Variants in TMEFF1 observed in about 807,000 individuals in gnomAD.
TMEFF1 encodes the protein transmembrane protein with EGF like and two follistatin like domains 1, also known as tomoregulin-1.
A neutral mutation model predicts 47.5 loss-of-function variants in TMEFF1; 20 were observed. The observed-to-expected ratio is 0.42, with a 90% CI of 0.30 to 0.61. The LOEUF (loss-of-function observed/expected upper bound fraction) is 0.61. TMEFF1 is among the 20% of genes least tolerant of loss of function. TMEFF1 has a pLI of 0.19. For synonymous variants in TMEFF1, 162 were observed against 166.3 expected (o/e 0.97, Z 0.20); for missense variants, 411 against 471.1 (o/e 0.87, Z 1.18).
At chr9:100,537,107 A>G (rs1838528167) in intron 5 of TMEFF1, among the ~76,000 whole-genome samples, 1 of 152,218 alleles carries the variant, frequency 6.6e-6, no homozygotes, top group Admixed American at 6.5e-5. Flanking sequence ...TAGTGGTGAC[A>G]TGTTTTGCAG....
At chr9:100,547,110 G>C (rs567529734) in intron 5 of TMEFF1, among the ~76,000 whole-genome samples, 1 of 152,190 alleles carries the variant, frequency 6.6e-6, no homozygotes, top group African/African-American at 2.4e-5. Context: ...CAACCTCCTG[G>C]GCTTAAGTGA....
At chr9:100,517,320 T>G (rs1838092971) in intron 5 of TMEFF1, among the ~76,000 whole-genome samples, 2 of 152,250 alleles carry the variant, frequency 1.3e-5, no homozygotes, top group South Asian at 2.1e-4. Flanking sequence ...CTTTAGGACC[T>G]GGGAGCATAA....
intron 5 of TMEFF1, among the ~76,000 whole-genome samples, chr9:100,545,701 G>A (rs946610188): frequency 1.1e-4 from 17 of 152,098 alleles, no homozygotes; most frequent in Admixed American, 2.6e-4. Flanking sequence ...CAAATTTTCC[G>A]AACTTTTGTG....
intron 1 of TMEFF1, among the ~76,000 whole-genome samples, chr9:100,496,560 C>T (rs947148609): frequency 6.6e-6 from 1 of 152,182 alleles, no homozygotes; most frequent in Non-Finnish European, 1.5e-5. Flanking sequence ...AGCTTTTCTG[C>T]CTCACATTAG....
chr9:100,560,249 C>T (rs975517061), intron 7 of TMEFF1, among the ~76,000 whole-genome samples: 21 of 152,066 alleles, frequency 1.4e-4, no homozygotes, highest in African/African-American at 4.6e-4. Context: ...TTGTTATCTC[C>T]TTTAGTCCTC....
intron 5 of TMEFF1, among the ~76,000 whole-genome samples, chr9:100,528,002 G>C (rs887936565): frequency 6.6e-6 from 1 of 152,010 alleles, no homozygotes; most frequent in African/African-American, 2.4e-5. Context: ...ACACGGCAGG[G>C]TATTCCAACA....
At chr9:100,500,390 T>C (rs1162966655) in intron 2 of TMEFF1, among the ~76,000 whole-genome samples, 1 of 152,190 alleles carries the variant, frequency 6.6e-6, no homozygotes, top group Admixed American at 6.5e-5. Flanking sequence ...CATGATGTGT[T>C]AGACCTTTTG....
At chr9:100,489,572 A>C (rs1256105202) in intron 1 of TMEFF1, among the ~76,000 whole-genome samples, 1 of 152,102 alleles carries the variant, frequency 6.6e-6, no homozygotes, top group Non-Finnish European at 1.5e-5. Flanking sequence ...TTGTTGTAAA[A>C]CTCAATTCAG....
chr9:100,568,422 A>G (rs1359322858), intron 8 of TMEFF1, among the ~76,000 whole-genome samples: 1 of 152,200 alleles, frequency 6.6e-6, no homozygotes, highest in East Asian at 1.9e-4. Flanking sequence ...TGTTGAGGAT[A>G]ATGTTCTTTA....
intron 7 of TMEFF1, among the ~76,000 whole-genome samples, chr9:100,560,397 A>G (rs1002041446): frequency 2.0e-5 from 3 of 152,188 alleles, no homozygotes; most frequent in Admixed American, 6.6e-5. Context: ...TAGAAATGGC[A>G]GGAAGCCTGG....
intron 1 of TMEFF1, among the ~76,000 whole-genome samples, chr9:100,477,133 T>G (rs752791848): frequency 2.0e-5 from 3 of 152,202 alleles, no homozygotes; most frequent in Non-Finnish European, 2.9e-5. Context: ...ACTCACAGGT[T>G]TTTTTCACTT....
chr9:100,566,970 C>T (rs1219078156), intron 8 of TMEFF1, among the ~76,000 whole-genome samples: 2 of 152,080 alleles, frequency 1.3e-5, no homozygotes, highest in Non-Finnish European at 2.9e-5. Context: ...AGGCTGGTCT[C>T]GAATTCCTGA....
At chr9:100,542,386 G>A (rs368079873) in intron 5 of TMEFF1, among the ~76,000 whole-genome samples, 11 of 152,124 alleles carry the variant, frequency 7.2e-5, no homozygotes, top group African/African-American at 1.4e-4. Context: ...TTCTTCATTC[G>A]TATTTGCATC....
intron 8 of TMEFF1, among the ~76,000 whole-genome samples, chr9:100,569,827 A>G (rs540087557): frequency 1.4e-4 from 21 of 152,182 alleles, no homozygotes; most frequent in Non-Finnish European, 2.9e-4. Flanking sequence ...AGCATTTTCC[A>G]AGAATACACT....
chr9:100,497,009 C>A (rs1456101718), intron 1 of TMEFF1, among the ~76,000 whole-genome samples: 1 of 152,094 alleles, frequency 6.6e-6, no homozygotes, highest in Non-Finnish European at 1.5e-5. Flanking sequence ...TGTTATCTTC[C>A]TTTTGTCTGA....
At chr9:100,547,635 A>G (rs1252727306) in intron 5 of TMEFF1, 109 bp from the exon 6 acceptor site, 1 of 1,271,898 alleles carries the variant, frequency 7.9e-7, no homozygotes, top group Non-Finnish European at 1.0e-6. Flanking sequence ...AAAACAATAT[A>G]TTGACTTCTG....
At chr9:100,571,922 T>C (rs1839246622) in intron 8 of TMEFF1, among the ~76,000 whole-genome samples, 1 of 152,148 alleles carries the variant, frequency 6.6e-6, no homozygotes, top group African/African-American at 2.4e-5. Context: ...TTTGCGCTCC[T>C]ATGAGAATCT....
At chr9:100,549,795 C>G (rs934188099) in intron 6 of TMEFF1, among the ~76,000 whole-genome samples, 1 of 152,160 alleles carries the variant, frequency 6.6e-6, no homozygotes, top group African/African-American at 2.4e-5. Context: ...AGGTTTAACC[C>G]TTTCTTCTCA....
chr9:100,559,463 G>T (rs1212016453), intron 7 of TMEFF1, among the ~76,000 whole-genome samples: 1 of 152,136 alleles, frequency 6.6e-6, no homozygotes, highest in Non-Finnish European at 1.5e-5. Flanking sequence ...CACTTGAAAT[G>T]TGGCTAGTCA....
Sources: allele counts gnomAD v4.1 joint callset (sites outside exome capture counted in the v4.1 genomes callset), GRCh38; gene constraint gnomAD v4.1.1; transcripts MANE v1.5; gene names NCBI Gene and HGNC (gene_info 2026-07-23, HGNC 2026-07-21).